APPBP2: variants seen among roughly 807,000 people sequenced by gnomAD.
APPBP2 encodes amyloid beta precursor protein binding protein 2, also known as amyloid protein-binding protein 2.
Under a neutral mutation model 76.0 loss-of-function variants are expected in APPBP2, and 15 were observed. The ratio of observed to expected loss-of-function variants is 0.20; its 90% CI spans 0.13 to 0.30. APPBP2 has a LOEUF of 0.30. Ranked by LOEUF, APPBP2 falls within the 10% of genes least tolerant of loss-of-function variation. The probability of loss-of-function intolerance (pLI) is 1.00; values close to 1 mark genes in which losing one functional copy is unlikely to be tolerated. For synonymous variants in APPBP2, 222 were observed against 242.2 expected, an observed-to-expected ratio of 0.92 and a Z score of 0.77; for missense variants, 401 against 687.2, an observed-to-expected ratio of 0.58 and a Z score of 4.66.
chr17:60,470,630 T>C (rs1253563337), intron 4 of APPBP2, among the ~76,000 whole-genome samples: 2 of 152,070 alleles, frequency 1.3e-5, no homozygotes, highest in East Asian at 3.8e-4. Flanking sequence ...CAGGCTGGAG[T>C]GCAGTGGCAC....
At chr17:60,510,730 T>A (rs2090905394) in intron 1 of APPBP2, among the ~76,000 whole-genome samples, 3 of 152,076 alleles carry the variant, frequency 2.0e-5, no homozygotes, top group Admixed American at 2.0e-4. Context: ...GAAAAAAAAA[T>A]CATCTGAAAT....
intron 1 of APPBP2, among the ~76,000 whole-genome samples, chr17:60,510,247 T>TA (rs887137698): frequency 1.8e-4 from 27 of 150,064 alleles, no homozygotes; most frequent in African/African-American, 6.6e-4. Flanking sequence ...CCACAAAAAA[T>TA]AAAAAATTAG....
At chr17:60,522,495 T>C (rs2091017670) in intron 1 of APPBP2, among the ~76,000 whole-genome samples, 1 of 152,146 alleles carries the variant, frequency 6.6e-6, no homozygotes, top group Non-Finnish European at 1.5e-5. Context: ...GGATAACTTT[T>C]TCTACTTTTT....
intron 4 of APPBP2, among the ~76,000 whole-genome samples, chr17:60,476,951 A>G (rs1013768347): frequency 1.3e-5 from 2 of 152,154 alleles, no homozygotes; most frequent in African/African-American, 4.8e-5. Flanking sequence ...CACAATTAAA[A>G]ATGTTTTGCT....
intron 4 of APPBP2, among the ~76,000 whole-genome samples, chr17:60,476,546 T>C (rs2090592473): frequency 6.6e-6 from 1 of 152,120 alleles, no homozygotes; most frequent in African/African-American, 2.4e-5. Flanking sequence ...TAAATACACC[T>C]GTAACGGCCA....
chr17:60,511,235 T>C (rs1318009944), intron 1 of APPBP2, among the ~76,000 whole-genome samples: 1 of 152,170 alleles, frequency 6.6e-6, no homozygotes, highest in Non-Finnish European at 1.5e-5. Context: ...ACTACCAATA[T>C]GTGGTGAAAA....
At chr17:60,485,041 T>A (rs1378966594) in intron 3 of APPBP2, among the ~76,000 whole-genome samples, 2 of 152,178 alleles carry the variant, frequency 1.3e-5, no homozygotes, top group African/African-American at 4.8e-5. Flanking sequence ...CAGCCTTGCA[T>A]CCCAGGGATG....
chr17:60,519,497 G>A (rs1295224292), intron 1 of APPBP2, among the ~76,000 whole-genome samples: 2 of 147,830 alleles, frequency 1.4e-5, no homozygotes, highest in African/African-American at 5.3e-5. Flanking sequence ...ACAGAAAGGA[G>A]AAAATTTTTT....
In APPBP2 at chr17:60,452,153, T is replaced by C. The variant is rs1330277844; in HGVS notation, c.1339-108A>G. On this transcript the variant is annotated intron_variant, in intron 11 of 12. Coordinates refer to ENST00000083182, the MANE Select transcript of APPBP2 (RefSeq NM_006380.5). ...TGCCAAAGACATCTTATGAATGCCATAAGGTAATCAGATCAAAGAACATAC... is the reference window on the plus strand; with the variant it reads ...TGCCAAAGACATCTTATGAATGCCACAAGGTAATCAGATCAAAGAACATAC... The C allele has an allele frequency of 4.4e-6, 5 of 1,134,954 alleles. No homozygotes were observed. The African/African-American group carries it at 6.3e-5, about 14-fold the overall frequency. The allele number at this position is 1,134,954 out of a possible 1,614,324, so 70.3% of individuals were successfully genotyped here. A position where few individuals can be genotyped will look rare whatever the true frequency, so the allele number is the denominator to read the frequency against.
At chr17:60,456,791 C>T (rs541679401) in intron 9 of APPBP2, among the ~76,000 whole-genome samples, 6 of 152,190 alleles carry the variant, frequency 3.9e-5, no homozygotes, top group South Asian at 4.1e-4. Context: ...AACATTCTCA[C>T]GACTCGCTCC....
rs1213002224 is a variant in APPBP2 at position 60,484,591 on chromosome 17, A to T, written c.380-5320T>A. ...TTTGATTTTGTATCCTGAGACTTTAAGGAAGTTGCTTATCAGCTTAAGGAG... is the reference window on the plus strand; with the variant it reads ...TTTGATTTTGTATCCTGAGACTTTATGGAAGTTGCTTATCAGCTTAAGGAG... On this transcript the variant is annotated intron_variant, in intron 3 of 12. Transcript: ENST00000083182. Among the ~76,000 whole-genome samples the T allele has an allele frequency of 3.9e-5, 6 of 152,140 alleles. No homozygotes were observed. In the East Asian group the frequency reaches 1.2e-3, roughly 29 times the overall value.
At chr17:60,525,078 T>C (rs1300129922) in intron 1 of APPBP2, among the ~76,000 whole-genome samples, 5 of 152,184 alleles carry the variant, frequency 3.3e-5, no homozygotes, top group African/African-American at 1.2e-4. Flanking sequence ...TGCTGCAAGA[T>C]TGCAACTTTC....
At chr17:60,499,813 C>A (rs1468601188) in intron 2 of APPBP2, among the ~76,000 whole-genome samples, 1 of 152,012 alleles carries the variant, frequency 6.6e-6, no homozygotes, top group Non-Finnish European at 1.5e-5. Flanking sequence ...ACAATACACA[C>A]AAAAGGATAA....
Position 60,445,386 on chromosome 17 carries a change from ATTTG to A in APPBP2, c.*2191_*2194del, listed in dbSNP as rs2143264236. 6.5e-6 allele frequency: 1 copy of A among 152,724 alleles called. No homozygotes were observed. The highest frequency in any genetic ancestry group is 6.5e-5 in the Admixed American group (1 of 15,292). The allele number at this position is 152,724 out of a possible 1,614,324, so 9.5% of individuals were successfully genotyped here. On this transcript the variant is annotated 3_prime_UTR_variant, in exon 13 of 13. Transcript: ENST00000083182. ...GTTAGGGAGGATGAGGCTGTAAGTCATTTGTTTATTTTTATCCTAGGAAATGCTG... is the reference window on the plus strand; with the variant it reads ...GTTAGGGAGGATGAGGCTGTAAGTCATTTATTTTTATCCTAGGAAATGCTG...
At chr17:60,447,889 G>C in intron 12 of APPBP2, 55 bp from the exon 13 acceptor site, 1 of 1,478,438 alleles carries the variant, frequency 6.8e-7, no homozygotes, top group Non-Finnish European at 9.1e-7. Context: ...GAGATAACAA[G>C]CAATTTCTAT....
intron 1 of APPBP2, among the ~76,000 whole-genome samples, chr17:60,525,384 G>T (rs547027281): frequency 4.6e-5 from 7 of 152,366 alleles, no homozygotes; most frequent in African/African-American, 1.7e-4. Context: ...AAGTAGGAAT[G>T]GGTGGGGGGA....
At chr17:60,483,615 G>A (rs1019909460) in intron 3 of APPBP2, among the ~76,000 whole-genome samples, 2 of 151,944 alleles carry the variant, frequency 1.3e-5, no homozygotes, top group African/African-American at 2.4e-5. Context: ...GGATGGTCTC[G>A]ATCTCCCGAC....
intron 12 of APPBP2, among the ~76,000 whole-genome samples, chr17:60,449,994 A>G (rs1415012314): frequency 2.6e-5 from 4 of 151,854 alleles, no homozygotes; most frequent in Non-Finnish European, 4.4e-5. Flanking sequence ...ACGGGGTTTC[A>G]GCATGTTGGC....
At chr17:60,466,691 A>G (rs2090513892) in intron 4 of APPBP2, among the ~76,000 whole-genome samples, 1 of 151,964 alleles carries the variant, frequency 6.6e-6, no homozygotes, top group African/African-American at 2.4e-5. Flanking sequence ...CCTTCTCTAA[A>G]TATTTTATAT....
Sources: allele counts gnomAD v4.1 joint callset (sites outside exome capture counted in the v4.1 genomes callset), GRCh38; gene constraint gnomAD v4.1.1; transcripts MANE v1.5; gene names NCBI Gene and HGNC (gene_info 2026-07-23, HGNC 2026-07-21).